EPB41L4B: variants seen among roughly 807,000 people sequenced by gnomAD.
EPB41L4B encodes the protein erythrocyte membrane protein band 4.1 like 4B, also known as band 4.1-like protein 4B.
In EPB41L4B, 30 loss-of-function variants were observed where a neutral mutation model predicts 112.5. The observed-to-expected ratio is 0.27, with a 90% CI of 0.20 to 0.36. The LOEUF is 0.36. Among genes scored for constraint, EPB41L4B ranks in the 10% least tolerant of loss-of-function variants. The probability of loss-of-function intolerance (pLI) is 1.00; values close to 1 mark genes in which losing one functional copy is unlikely to be tolerated. For synonymous variants in EPB41L4B, 408 were observed against 439.7 expected, an observed-to-expected ratio of 0.93 and a Z score of 0.90; for missense variants, 1,024 against 1,133.3, an observed-to-expected ratio of 0.90 and a Z score of 1.38.
chr9:109,287,815 T>C (rs1836355623), intron 1 of EPB41L4B, among the ~76,000 whole-genome samples: 1 of 152,088 alleles, frequency 6.6e-6, no homozygotes, highest in South Asian at 2.1e-4. Flanking sequence ...TTGCCTAGGC[T>C]GATCTTAAAC....
At position 109,280,350 on chromosome 9, in the gene EPB41L4B, C is replaced by A. The variant is rs117992569; in HGVS notation, c.307-429G>T. Among the ~76,000 whole-genome samples, 981 of 152,270 alleles carry A rather than the reference C, an allele frequency of 6.4e-3. 8 individuals carry two copies. Among genetic ancestry groups the A allele is most frequent in the Middle Eastern group, 0.024 (7 of 292 alleles). On this transcript the variant is annotated intron_variant, in intron 1 of 25. Coordinates refer to ENST00000374566, the MANE Select transcript of EPB41L4B (RefSeq NM_019114.5). ...TCTGAAATTGGCTCTTCCAGTCTTCCGATTTCACAAAGTAGGTAACGAAGT... is the reference window on the plus strand; with the variant it reads ...TCTGAAATTGGCTCTTCCAGTCTTCAGATTTCACAAAGTAGGTAACGAAGT...
At chr9:109,316,622 T>A (rs1035662715) in intron 1 of EPB41L4B, among the ~76,000 whole-genome samples, 8 of 152,306 alleles carry the variant, frequency 5.3e-5, no homozygotes, top group African/African-American at 1.7e-4. Context: ...GGCCAGGGTT[T>A]CTGAAGAGGA....
At chr9:109,266,476 T>G (rs1376833831) in intron 4 of EPB41L4B, among the ~76,000 whole-genome samples, 1 of 152,124 alleles carries the variant, frequency 6.6e-6, no homozygotes, top group African/African-American at 2.4e-5. Flanking sequence ...ACATAGCCTA[T>G]ATGTCACCAC....
chr9:109,203,243 G>A, intron 19 of EPB41L4B, among the ~76,000 whole-genome samples: 1 of 152,160 alleles, frequency 6.6e-6, no homozygotes. Flanking sequence ...GCACATCAAT[G>A]GGCCAAGGGA....
chr9:109,249,455 C>T (rs888919634), intron 13 of EPB41L4B, among the ~76,000 whole-genome samples: 3 of 146,722 alleles, frequency 2.0e-5, no homozygotes, highest in Non-Finnish European at 4.5e-5. Context: ...CAGTTATTAG[C>T]TCATTTGTTC....
At chr9:109,181,942 C>T (rs545475905) in intron 24 of EPB41L4B, among the ~76,000 whole-genome samples, 33 of 152,338 alleles carry the variant, frequency 2.2e-4, no homozygotes, top group Admixed American at 2.1e-3. Flanking sequence ...GGCATGGTGG[C>T]TCACGCCTGT....
chr9:109,192,330 AAGGCACC>A lies in EPB41L4B; in HGVS notation c.2242_2248del (p.Gly748LeufsTer9). 6.2e-7 allele frequency: 1 copy of A among 1,612,428 alleles called. No homozygotes were observed. Among genetic ancestry groups the A allele is most frequent in the Non-Finnish European group, 8.5e-7 (1 of 1,179,242 alleles). The stretch of plus-strand genomic sequence containing the variant: ...CAGAAGATCACCCGGCTCCAGGGTA[AAGGCACC>A]TCCTCGGTCAGAGGGGCTCTAGGGA... On this transcript the variant is annotated frameshift_variant, in exon 22 of 26. Coordinates refer to ENST00000374566, the MANE Select transcript of EPB41L4B (RefSeq NM_019114.5). LOFTEE classifies it high-confidence loss of function.
chr9:109,200,554 T>C (rs566354787), intron 19 of EPB41L4B, among the ~76,000 whole-genome samples: 10 of 151,910 alleles, frequency 6.6e-5, no homozygotes, highest in Non-Finnish European at 1.5e-4. Context: ...GGGAAGAAAA[T>C]ATAGCAAATG....
intron 22 of EPB41L4B, among the ~76,000 whole-genome samples, chr9:109,187,493 T>C (rs953000728): frequency 3.9e-5 from 6 of 152,026 alleles, no homozygotes; most frequent in Admixed American, 3.3e-4. Context: ...CTGAGTCACC[T>C]GCAGTTAACT....
At chr9:109,202,595 T>C (rs962472247) in intron 19 of EPB41L4B, among the ~76,000 whole-genome samples, 67 of 152,276 alleles carry the variant, frequency 4.4e-4, no homozygotes, top group African/African-American at 1.5e-3. Flanking sequence ...CAGGTGGCAA[T>C]GAGGCCACCA....
At chr9:109,258,816 C>T (rs1835083673) in intron 6 of EPB41L4B, among the ~76,000 whole-genome samples, 1 of 151,984 alleles carries the variant, frequency 6.6e-6, no homozygotes, top group Non-Finnish European at 1.5e-5. Flanking sequence ...AGGAGGGGTG[C>T]GAGGGCTGCA....
intron 15 of EPB41L4B, among the ~76,000 whole-genome samples, chr9:109,217,801 G>A (rs764254445): frequency 6.6e-5 from 10 of 152,038 alleles, no homozygotes; most frequent in Non-Finnish European, 1.3e-4. Context: ...TCAAACTCCT[G>A]GGCTCAAGTG....
intron 1 of EPB41L4B, among the ~76,000 whole-genome samples, chr9:109,282,240 G>A (rs1177698888): frequency 2.0e-5 from 3 of 152,150 alleles, no homozygotes; most frequent in Non-Finnish European, 2.9e-5. Flanking sequence ...CGGGCAAAGG[G>A]GTTTGGGGGA....
rs544148639 is a variant in EPB41L4B, at chr9:109,244,880, T to C, written c.1345-1198A>G. 1.6e-4 allele frequency among the ~76,000 whole-genome samples: 25 copies of C among 152,292 alleles called. No homozygotes were observed. In the South Asian group the frequency reaches 3.5e-3, roughly 21 times the overall value. On this transcript the variant is annotated intron_variant, in intron 14 of 25. Coordinates refer to ENST00000374566, the MANE Select transcript of EPB41L4B (RefSeq NM_019114.5). The stretch of plus-strand genomic sequence containing the variant: ...CTCCTTCTCAGGATACTTTGCTTAG[T>C]AAGCAGTGGCCTGCTCTCTGGCACA...
intron 15 of EPB41L4B, among the ~76,000 whole-genome samples, chr9:109,219,158 G>A (rs1833488075): frequency 6.6e-6 from 1 of 152,144 alleles, no homozygotes; most frequent in South Asian, 2.1e-4. Context: ...CCTCAGGGGT[G>A]GGCCTGAGAC....
chr9:109,230,581 A>G (rs192301901), intron 15 of EPB41L4B, among the ~76,000 whole-genome samples: 109 of 152,344 alleles, frequency 7.2e-4, no homozygotes, highest in African/African-American at 2.5e-3. Context: ...GCTTATTTCA[A>G]TTTTAATTTG....
intron 22 of EPB41L4B, among the ~76,000 whole-genome samples, chr9:109,187,978 T>A (rs561721525): frequency 1.6e-3 from 240 of 152,296 alleles, no homozygotes; most frequent in South Asian, 5.6e-3. Flanking sequence ...AGATAACACA[T>A]GGAATCAAAG....
chr9:109,200,408 T>C (rs1832783748), intron 19 of EPB41L4B, 74 bp from the exon 20 acceptor site: 4 of 1,173,388 alleles, frequency 3.4e-6, no homozygotes, highest in Non-Finnish European at 5.1e-6. Context: ...TAGGGACTGC[T>C]TTCTCAGTTA....
At chr9:109,219,973 G>A (rs1833517662) in intron 15 of EPB41L4B, among the ~76,000 whole-genome samples, 1 of 152,130 alleles carries the variant, frequency 6.6e-6, no homozygotes, top group South Asian at 2.1e-4. Context: ...AAGACAAGAT[G>A]AGCAGAGGTT....
Sources: gnomAD v4.1 joint callset for allele counts (sites outside exome capture counted in the v4.1 genomes callset) on GRCh38, gnomAD v4.1.1 for gene constraint, MANE v1.5 for transcripts, NCBI Gene and HGNC (gene_info 2026-07-23, HGNC 2026-07-21) for gene names.